Variants in THEMIS observed in about 807,000 individuals in gnomAD.
THEMIS encodes the protein thymocyte selection associated.
THEMIS carries 37 observed loss-of-function variants against 52.6 expected under a neutral mutation model. The ratio of observed to expected loss-of-function variants is 0.70; its 90% CI spans 0.54 to 0.93. THEMIS has a LOEUF of 0.93. Among genes scored for constraint, THEMIS ranks in the 40% least tolerant of loss-of-function variants. THEMIS has a pLI of 0.00. For missense variants in THEMIS, 808 were observed against 763.1 expected (o/e 1.06, Z -0.69); for synonymous variants, 292 against 272.7 (o/e 1.07, Z -0.70).
chr6:127,857,841 A>G (rs1019106361), intron 1 of THEMIS, among the ~76,000 whole-genome samples: 1 of 152,092 alleles, frequency 6.6e-6, no homozygotes, highest in African/African-American at 2.4e-5. Context: ...TTGCAAAACT[A>G]ACATAGAGGG....
chr6:127,757,213 A>G (rs1268651331), intron 4 of THEMIS, among the ~76,000 whole-genome samples: 2 of 152,198 alleles, frequency 1.3e-5, no homozygotes, highest in African/African-American at 2.4e-5. Flanking sequence ...GTCACCATCT[A>G]CAGCGTATTA....
chr6:127,862,961 G>A (rs1779857322), intron 1 of THEMIS, among the ~76,000 whole-genome samples: 1 of 152,082 alleles, frequency 6.6e-6, no homozygotes, highest in Admixed American at 6.6e-5. Context: ...CCAGCACTAT[G>A]ACTTATCTTG....
intron 4 of THEMIS, among the ~76,000 whole-genome samples, chr6:127,807,063 CA>C (rs936795836): frequency 1.3e-5 from 2 of 152,038 alleles, no homozygotes; most frequent in African/African-American, 2.4e-5. Context: ...AAATAGCTAC[CA>C]AAAAAATGCT....
intron 4 of THEMIS, among the ~76,000 whole-genome samples, chr6:127,811,980 T>C (rs1296040986): frequency 6.6e-6 from 1 of 152,208 alleles, no homozygotes; most frequent in East Asian, 1.9e-4. Flanking sequence ...ATCCATATAC[T>C]TGAAGCCTAA....
intron 1 of THEMIS, among the ~76,000 whole-genome samples, chr6:127,865,314 A>G (rs1339002746): frequency 6.6e-6 from 1 of 152,162 alleles, no homozygotes; most frequent in Non-Finnish European, 1.5e-5. Flanking sequence ...CACTCATTGG[A>G]CAGGATGATC....
Position 127,823,484 on chromosome 6 carries a change from C to T in THEMIS, c.709+5992G>A, listed in dbSNP as rs376747798. 7.0e-4 allele frequency among the ~76,000 whole-genome samples: 106 copies of T among 152,174 alleles called. 1 individual carries two copies. Among genetic ancestry groups the T allele is most frequent in the Middle Eastern group, 3.4e-3 (1 of 294 alleles). On this transcript the variant is annotated intron_variant, in intron 3 of 5. Transcript: ENST00000368248. Reference sequence around the variant, plus strand: ...TTGTACTGTGAAACATAAATATACACGCATAAACAATGTGTTACTTGCTTT... The same window carrying T: ...TTGTACTGTGAAACATAAATATACATGCATAAACAATGTGTTACTTGCTTT...
At chr6:127,701,132 C>A in the THEMIS span, among the ~76,000 whole-genome samples, 2 of 152,066 alleles carry the variant, frequency 1.3e-5, no homozygotes, top group Admixed American at 6.5e-5. Context: ...CTCATCACCC[C>A]AGAGACCACT....
intron 5 of THEMIS, among the ~76,000 whole-genome samples, chr6:127,716,985 T>C (rs1369479996): frequency 6.6e-6 from 1 of 151,882 alleles, no homozygotes; most frequent in East Asian, 1.9e-4. Context: ...AGCATACTGC[T>C]CTCAAAGGCA....
At chr6:127,863,862 A>G (rs551338757) in intron 1 of THEMIS, among the ~76,000 whole-genome samples, 1 of 152,210 alleles carries the variant, frequency 6.6e-6, no homozygotes, top group South Asian at 2.1e-4. Flanking sequence ...TTGCCAATCA[A>G]TGGTCAAAGT....
intron 4 of THEMIS, among the ~76,000 whole-genome samples, chr6:127,769,715 G>A (rs1017260489): frequency 6.6e-5 from 10 of 152,022 alleles, no homozygotes; most frequent in African/African-American, 2.4e-4. Context: ...GTGCCATGTT[G>A]GTTTGCTGCA....
intron 1 of THEMIS, among the ~76,000 whole-genome samples, chr6:127,866,087 C>T (rs1196698611): frequency 6.6e-6 from 1 of 151,992 alleles, no homozygotes. Flanking sequence ...TGTTGTAACT[C>T]ACACTCCTTA....
intron 1 of THEMIS, among the ~76,000 whole-genome samples, chr6:127,907,815 C>G (rs769268860): frequency 2.8e-5 from 4 of 142,592 alleles, no homozygotes; most frequent in Non-Finnish European, 6.1e-5. Context: ...TGTCTCCAAC[C>G]ATATGTACAT....
intron 2 of THEMIS, among the ~76,000 whole-genome samples, chr6:127,836,885 C>A (rs78572583): frequency 6.6e-6 from 1 of 152,174 alleles, no homozygotes; most frequent in Non-Finnish European, 1.5e-5. Flanking sequence ...GCACGAACAC[C>A]TGAACAGCTC....
At chr6:127,859,774 A>G (rs1562305769) in intron 1 of THEMIS, among the ~76,000 whole-genome samples, 1 of 152,144 alleles carries the variant, frequency 6.6e-6, no homozygotes, top group Non-Finnish European at 1.5e-5. Flanking sequence ...AGTTTGCATA[A>G]AGAGGGAGCT....
intron 4 of THEMIS, among the ~76,000 whole-genome samples, chr6:127,753,980 A>G (rs758705097): frequency 3.3e-5 from 5 of 152,092 alleles, no homozygotes; most frequent in African/African-American, 4.8e-5. Flanking sequence ...TGACAAATAT[A>G]TATCTATGGC....
intron 2 of THEMIS, among the ~76,000 whole-genome samples, chr6:127,845,880 G>A (rs1255702556): frequency 2.0e-5 from 3 of 151,910 alleles, no homozygotes; most frequent in Admixed American, 6.6e-5. Flanking sequence ...AGTCACATGA[G>A]TAATTTTAAA....
At chr6:127,719,952 C>A in intron 4 of THEMIS, 129 bp from the exon 5 acceptor site, 1 of 1,203,602 alleles carries the variant, frequency 8.3e-7, no homozygotes, top group Non-Finnish European at 1.2e-6. Flanking sequence ...TCAAAGCAAG[C>A]TACAAATTAT....
At position 127,829,681 on chromosome 6, in the gene THEMIS, T is replaced by C. The variant is rs956863017; in HGVS notation, c.504A>G (p.Ser168=). 1.9e-6 allele frequency: 3 copies of C among 1,614,120 alleles called. No homozygotes were observed. Among genetic ancestry groups the C allele is most frequent in the Non-Finnish European group, 2.5e-6 (3 of 1,180,008 alleles). ...CACACTCGTAGAATTCTCCTTCTTG[T>C]GACAAAGGCAAATTAAATGAGTGAG... is the stretch of plus-strand genomic sequence containing the variant. The part of the protein sequence containing the change: ...HQTHSFNLPL[S]QEGEFYECED... The change falls in exon 3 of 6, where the codon TCA becomes TCG. Residue 168 remains serine, a synonymous_variant. Coordinates refer to ENST00000368248, the MANE Select transcript of THEMIS (RefSeq NM_001010923.3).
At chr6:127,734,111 A>G (rs1389532476) in intron 4 of THEMIS, among the ~76,000 whole-genome samples, 1 of 152,234 alleles carries the variant, frequency 6.6e-6, no homozygotes, top group East Asian at 1.9e-4. Context: ...ATTGAGAAAA[A>G]AAATAGGAGG....
Sources: allele counts gnomAD v4.1 joint callset (sites outside exome capture counted in the v4.1 genomes callset), GRCh38; gene constraint gnomAD v4.1.1; transcripts MANE v1.5; gene names NCBI Gene and HGNC (gene_info 2026-07-23, HGNC 2026-07-21).